The following ATP6V0A4 variants were observed in gnomAD, a reference collection of about 807,000 sequenced individuals.
ATP6V0A4 encodes the protein ATPase H+ transporting V0 subunit a4.
ATP6V0A4 carries 86 observed loss-of-function variants against 107.3 expected under a neutral mutation model. The observed-to-expected ratio is 0.80, with a 90% CI of 0.67 to 0.96. The LOEUF (loss-of-function observed/expected upper bound fraction) is 0.96, where lower values mean the gene tolerates loss of function less well. ATP6V0A4 is among the 40% of genes least tolerant of loss of function. The pLI is 0.00. For missense variants in ATP6V0A4, 908 were observed against 1,045.6 expected (o/e 0.87, Z 1.81); for synonymous variants, 353 against 381.4 (o/e 0.93, Z 0.87).
chr7:138,738,008 C>T (rs976433774), intron 15 of ATP6V0A4, among the ~76,000 whole-genome samples: 6 of 124,802 alleles, frequency 4.8e-5, no homozygotes, highest in Non-Finnish European at 1.0e-4. Flanking sequence ...GTGATCCACC[C>T]GCCTCAACCT....
intron 1 of ATP6V0A4, among the ~76,000 whole-genome samples, chr7:138,790,951 G>A (rs773410571): frequency 2.0e-5 from 3 of 152,010 alleles, no homozygotes; most frequent in Non-Finnish European, 4.4e-5. Context: ...TTGCAATTTT[G>A]CCCACAATAA....
intron 5 of ATP6V0A4, among the ~76,000 whole-genome samples, chr7:138,763,986 A>G (rs144376480): frequency 0.021 from 3,115 of 147,958 alleles, 160 homozygotes; most frequent in African/African-American, 0.071. Flanking sequence ...ATATATATAT[A>G]TATATATGTA....
At chr7:138,776,123 T>A (rs139355811) in intron 2 of ATP6V0A4, among the ~76,000 whole-genome samples, 20 of 152,286 alleles carry the variant, frequency 1.3e-4, no homozygotes, top group Non-Finnish European at 2.4e-4. Flanking sequence ...AAGACTTGCA[T>A]TTTTAATAAG....
At chr7:138,726,232 G>A (rs1305547210) in intron 18 of ATP6V0A4, among the ~76,000 whole-genome samples, 22 of 151,904 alleles carry the variant, frequency 1.4e-4, no homozygotes, top group South Asian at 1.0e-3. Flanking sequence ...CTTGTGATCC[G>A]CCCGCCTCGG....
intron 18 of ATP6V0A4, among the ~76,000 whole-genome samples, chr7:138,725,761 C>T (rs1804679819): frequency 6.6e-6 from 1 of 152,148 alleles, no homozygotes; most frequent in African/African-American, 2.4e-5. Flanking sequence ...AATCCACCTG[C>T]CTCAGCCTCC....
At chr7:138,774,369 A>G (rs1807542976) in intron 2 of ATP6V0A4, among the ~76,000 whole-genome samples, 1 of 152,068 alleles carries the variant, frequency 6.6e-6, no homozygotes, top group Non-Finnish European at 1.5e-5. Context: ...ATTTGAGGTC[A>G]GGAGTTTGAG....
At chr7:138,792,074 C>A (rs559713750) in intron 1 of ATP6V0A4, among the ~76,000 whole-genome samples, 2 of 151,892 alleles carry the variant, frequency 1.3e-5, no homozygotes, top group African/African-American at 4.8e-5. Flanking sequence ...TTTGGGAGGC[C>A]GAGGTGGGCA....
intron 2 of ATP6V0A4, among the ~76,000 whole-genome samples, chr7:138,779,362 A>T (rs570974951): frequency 0.013 from 1,438 of 107,692 alleles, 29 homozygotes; most frequent in African/African-American, 0.039. Flanking sequence ...AAAAATAAAT[A>T]AATAAAAGAT....
At chr7:138,761,433 G>C (rs1806810544) in intron 7 of ATP6V0A4, among the ~76,000 whole-genome samples, 1 of 152,008 alleles carries the variant, frequency 6.6e-6, no homozygotes, top group Non-Finnish European at 1.5e-5. Flanking sequence ...AGGAGATCGA[G>C]ACCATCCTGC....
At chr7:138,729,915 G>A (rs988136181) in intron 17 of ATP6V0A4, among the ~76,000 whole-genome samples, 3 of 151,874 alleles carry the variant, frequency 2.0e-5, no homozygotes, top group South Asian at 2.1e-4. Flanking sequence ...ATGGAGTCTC[G>A]CTCTGTTGCC....
chr7:138,795,146 C>A (rs536316722), intron 1 of ATP6V0A4, among the ~76,000 whole-genome samples: 1 of 152,158 alleles, frequency 6.6e-6, no homozygotes, highest in Non-Finnish European at 1.5e-5. Context: ...AAATGAGCCA[C>A]CTGCCTCAGT....
intron 21 of ATP6V0A4, among the ~76,000 whole-genome samples, chr7:138,707,085 T>TGTGTGTGTGTGTGTGTGTGC: frequency 8.9e-6 from 1 of 112,750 alleles, no homozygotes; most frequent in African/African-American, 3.6e-5. Flanking sequence ...TGTGTGTGTG[T>TGTGTGTGTGTGTGTGTGTGC]GTGTGTGTAT....
chr7:138,777,965 C>A (rs534829113), intron 2 of ATP6V0A4, among the ~76,000 whole-genome samples: 39 of 152,196 alleles, frequency 2.6e-4, no homozygotes, highest in Non-Finnish European at 4.8e-4. Context: ...TGGAAAATTT[C>A]GCTGACTTCA....
intron 2 of ATP6V0A4, among the ~76,000 whole-genome samples, chr7:138,777,615 CA>C (rs67200252): frequency 0.6 from 67,341 of 111,490 alleles, 21,435 homozygotes; most frequent in Middle Eastern, 0.76. Flanking sequence ...AACTCCGTCT[CA>C]AAAAAAAAAA....
intron 2 of ATP6V0A4, among the ~76,000 whole-genome samples, chr7:138,775,362 C>A (rs1807611453): frequency 6.6e-6 from 1 of 152,096 alleles, no homozygotes; most frequent in South Asian, 2.1e-4. Flanking sequence ...GATAAGGATT[C>A]TTTTATACGC....
intron 6 of ATP6V0A4, 59 bp downstream of exon 6, chr7:138,762,841 A>C (rs1441902208): frequency 6.3e-7 from 1 of 1,582,224 alleles, no homozygotes; most frequent in African/African-American, 1.3e-5. Flanking sequence ...CAGTTTCCAA[A>C]ATGGAAATTT....
chr7:138,785,561 T>C (rs985383562), intron 2 of ATP6V0A4, among the ~76,000 whole-genome samples: 1 of 152,168 alleles, frequency 6.6e-6, no homozygotes, highest in African/African-American at 2.4e-5. Context: ...ATAATAGGCA[T>C]GAGCCACTGC....
intron 19 of ATP6V0A4, among the ~76,000 whole-genome samples, chr7:138,716,481 C>G (rs1804038575): frequency 6.6e-6 from 1 of 150,670 alleles, no homozygotes; most frequent in African/African-American, 2.4e-5. Flanking sequence ...GTTATGAGCT[C>G]AGTAACACAG....
chr7:138,798,111 C>A lies in ATP6V0A4; in HGVS notation c.-198G>T, dbSNP rs1317649447. ...ACTCAGCACAGCCTCCAGCATGCAG[C>A]GCCTCCCCGCTGCCACCCGGGCCAC... On this transcript the variant is annotated 5_prime_UTR_variant, in exon 1 of 22. Coordinates refer to ENST00000310018, the MANE Select transcript of ATP6V0A4 (RefSeq NM_020632.3). 3.8e-6 allele frequency: 6 copies of A among 1,597,464 alleles called. No individual in the cohort carries two copies. The highest frequency in any genetic ancestry group is 1.3e-5 in the African/African-American group (1 of 74,616).
Sources: allele counts gnomAD v4.1 joint callset (sites outside exome capture counted in the v4.1 genomes callset), GRCh38; gene constraint gnomAD v4.1.1; transcripts MANE v1.5; gene names NCBI Gene and HGNC (gene_info 2026-07-23, HGNC 2026-07-21).